DHX40: variants seen among roughly 807,000 people sequenced by gnomAD.
DHX40 encodes DEAH-box helicase 40.
Under a neutral mutation model 89.6 loss-of-function variants are expected in DHX40, and 28 were observed. That is an observed-to-expected ratio of 0.31 (90% CI 0.23 to 0.43). DHX40 has a LOEUF of 0.43. Among genes scored for constraint, DHX40 ranks in the 20% least tolerant of loss-of-function variants. The pLI, the probability that DHX40 is intolerant of heterozygous loss-of-function variation, is 1.00. For synonymous variants in DHX40, 226 were observed against 283.6 expected (o/e 0.80, Z 2.04); for missense variants, 457 against 844.0 (o/e 0.54, Z 5.68).
chr17:59,569,851 G>A lies in DHX40; in HGVS notation c.281-667G>A, dbSNP rs373642938. Among the ~76,000 whole-genome samples the A allele has an allele frequency of 2.2e-4, 32 of 145,616 alleles. 2 individuals carry two copies. Among genetic ancestry groups the A allele is most frequent in the East Asian group, 1.6e-3 (8 of 5,104 alleles). ...ACCTGAGGTTGGGAGTACAAGACCA[G>A]CCTGACCAACAGGGAAAAAACCCGT... On this transcript the variant is annotated intron_variant, in intron 2 of 17. Coordinates refer to ENST00000251241, the MANE Select transcript of DHX40 (RefSeq NM_024612.5).
intron 12 of DHX40, among the ~76,000 whole-genome samples, chr17:59,594,444 A>G (rs1269369459): frequency 6.6e-6 from 1 of 151,212 alleles, no homozygotes; most frequent in East Asian, 1.9e-4. Flanking sequence ...TGGTGGTGGT[A>G]ATGGGGGCCT....
chr17:59,571,574 T>TC (rs939323099), intron 3 of DHX40, among the ~76,000 whole-genome samples: 1 of 150,402 alleles, frequency 6.6e-6, no homozygotes, highest in Non-Finnish European at 1.5e-5. Flanking sequence ...CATTTCTCCC[T>TC]CCCCCTAGCC....
intron 16 of DHX40, 120 bp from the exon 17 acceptor site, chr17:59,605,326 T>C (rs1209826630): frequency 1.0e-5 from 13 of 1,293,688 alleles, no homozygotes; most frequent in African/African-American, 1.5e-5. Context: ...TTGGTTGGCC[T>C]GTGCCTCCTG....
At chr17:59,587,274 A>C (rs2049013246) in intron 11 of DHX40, among the ~76,000 whole-genome samples, 2 of 151,338 alleles carry the variant, frequency 1.3e-5, no homozygotes, top group African/African-American at 4.9e-5. Flanking sequence ...CCCAGACTGG[A>C]GTACAATGGT....
intron 14 of DHX40, among the ~76,000 whole-genome samples, chr17:59,602,314 C>T (rs1346962844): frequency 1.3e-5 from 2 of 152,146 alleles, no homozygotes; most frequent in Admixed American, 1.3e-4. Flanking sequence ...TGTCTCTGTC[C>T]TTTATTGCCT....
Position 59,586,187 on chromosome 17 carries a change from A to G in DHX40, c.1378A>G (p.Ile460Val). 9.4e-6 allele frequency: 15 copies of G among 1,594,096 alleles called. No homozygotes were observed. The highest frequency in any genetic ancestry group is 1.1e-5 in the Non-Finnish European group (13 of 1,169,590). ...PYLDPPNERL[I>V]LEALKQLYQC... ...TTTGGATCCACCTAATGAGAGACTT[A>G]TTTTAGAAGCTCTTAAACAACTTTA... The change falls in exon 11 of 18, where the codon ATT (isoleucine) becomes GTT (valine). Residue 460 changes from isoleucine to valine, a missense_variant. Transcript: ENST00000251241.
intron 15 of DHX40, chr17:59,603,608 A>G (rs2030669345): frequency 6.6e-6 from 1 of 152,248 alleles, no homozygotes; most frequent in African/African-American, 2.4e-5. Context: ...GCGGATTATT[A>G]TGCACTTAAT....
At chr17:59,567,196 G>C (rs1356860147) in intron 2 of DHX40, among the ~76,000 whole-genome samples, 2 of 152,174 alleles carry the variant, frequency 1.3e-5, no homozygotes, top group African/African-American at 2.4e-5. Context: ...TTTATCCCCT[G>C]ACTTTGCCAG....
At chr17:59,585,090 T>G (rs1276662741) in intron 10 of DHX40, among the ~76,000 whole-genome samples, 1 of 34,220 alleles carries the variant, frequency 2.9e-5, no homozygotes, top group African/African-American at 1.4e-4. Flanking sequence ...TGAATATATT[T>G]CCCCATTTAT....
chr17:59,569,825 C>A (rs1050023140), intron 2 of DHX40, among the ~76,000 whole-genome samples: 1 of 145,384 alleles, frequency 6.9e-6, no homozygotes, highest in African/African-American at 2.5e-5. Context: ...GCAAGTGGAT[C>A]ACCTGAGGTT....
chr17:59,597,750 CAT>C (rs1299796601), intron 12 of DHX40, among the ~76,000 whole-genome samples: 5 of 149,672 alleles, frequency 3.3e-5, no homozygotes, highest in Non-Finnish European at 5.9e-5. Context: ...TCCTGGCTAA[CAT>C]GTGAAACCCC....
intron 11 of DHX40, 146 bp downstream of exon 11, chr17:59,586,379 C>T (rs2048997111): frequency 1.2e-6 from 1 of 829,126 alleles, no homozygotes; most frequent in East Asian, 2.8e-5. Context: ...GATTGAAAAA[C>T]CAGCCGGGCG....
At chr17:59,602,171 G>T (rs78256954) in intron 14 of DHX40, among the ~76,000 whole-genome samples, 2,723 of 152,080 alleles carry the variant, frequency 0.018, 70 homozygotes, top group African/African-American at 0.061. Context: ...GGTCTTCCTG[G>T]ACTCCCAGCT....
At chr17:59,589,979 G>A (rs1326972897) in intron 12 of DHX40, among the ~76,000 whole-genome samples, 5 of 151,142 alleles carry the variant, frequency 3.3e-5, no homozygotes, top group Non-Finnish European at 7.4e-5. Flanking sequence ...CCTTGGCCTT[G>A]GGATTGCAGG....
chr17:59,585,928 G>C (rs2048988807), intron 10 of DHX40, among the ~76,000 whole-genome samples: 1 of 151,418 alleles, frequency 6.6e-6, no homozygotes, highest in Non-Finnish European at 1.5e-5. Flanking sequence ...TTCAGCTAAG[G>C]GGAGTCAAAA....
At chr17:59,588,589 C>G (rs1478860718) in intron 12 of DHX40, among the ~76,000 whole-genome samples, 3 of 152,140 alleles carry the variant, frequency 2.0e-5, no homozygotes, top group Non-Finnish European at 4.4e-5. Flanking sequence ...GCCTTGGCCT[C>G]CCAAAGTGCT....
At position 59,605,292 on chromosome 17, in the gene DHX40, A is replaced by G. The variant is rs758746490; in HGVS notation, c.1971+108A>G. On this transcript the variant is annotated intron_variant, in intron 16 of 17. Transcript: ENST00000251241. ...TTTGGAGTTAAATTTACATATATCT[A>G]TATTACATAGATCTATAAGGGTATT... 3.4e-5 allele frequency: 43 copies of G among 1,275,620 alleles called. No individual in the cohort carries two copies. The African/African-American group carries it at 4.6e-4, about 14-fold the overall frequency. 79.0% of individuals were successfully genotyped at this position (1,275,620 alleles called of 1,614,324 possible). A position where few individuals can be genotyped will look rare whatever the true frequency, so the allele number is the denominator to read the frequency against.
In DHX40 at chr17:59,575,372, C is replaced by T; in HGVS notation, c.874C>T (p.Leu292Phe). The change falls in exon 7 of 18, where the codon CTT (leucine) becomes TTT (phenylalanine). Residue 292 changes from leucine (L) to phenylalanine (F), a missense_variant. By Grantham distance (22) the Leu-to-Phe change is conservative. Coordinates refer to ENST00000251241, the MANE Select transcript of DHX40 (RefSeq NM_024612.5). Reference protein sequence around the residue: ...QFEIEKSCELLFQMAESVDYD... With the variant: ...QFEIEKSCELFFQMAESVDYD... The stretch of plus-strand genomic sequence containing the variant: ...TGAAATAGAAAAAAGTTGTGAGTTA[C>T]TTTTTCAGATGGCAGAGTCTGTTGA... 1 of 1,598,114 alleles carries T rather than the reference C, an allele frequency of 6.3e-7. No individual in the cohort carries two copies. Among genetic ancestry groups the T allele is most frequent in the South Asian group, 1.2e-5 (1 of 86,420 alleles).
chr17:59,576,880 TG>T (rs1567868026), intron 7 of DHX40, among the ~76,000 whole-genome samples: 3 of 151,818 alleles, frequency 2.0e-5, no homozygotes, highest in African/African-American at 4.8e-5. Flanking sequence ...TTTTTTTTTT[TG>T]TTTTTTGAGA....
Sources: allele counts gnomAD v4.1 joint callset (sites outside exome capture counted in the v4.1 genomes callset), GRCh38; gene constraint gnomAD v4.1.1; transcripts MANE v1.5; gene names NCBI Gene and HGNC (gene_info 2026-07-23, HGNC 2026-07-21).